NOS1: variants seen among roughly 807,000 people sequenced by gnomAD.
NOS1 encodes the protein nitric oxide synthase 1.
NOS1 carries 51 observed loss-of-function variants against 164.5 expected under a neutral mutation model. The observed-to-expected ratio is 0.31, with a 90% CI of 0.25 to 0.39. The LOEUF is 0.39. Among genes scored for constraint, NOS1 ranks in the 10% least tolerant of loss-of-function variants. The pLI, the probability that NOS1 is intolerant of heterozygous loss-of-function variation, is 1.00. For missense variants in NOS1, 1,362 were observed against 1,885.6 expected (o/e 0.72, Z 5.14); for synonymous variants, 719 against 745.8 (o/e 0.96, Z 0.59).
Position 117,234,534 on chromosome 12 carries a change from T to G in NOS1, c.3235+31A>C. On this transcript the variant is annotated intron_variant, in intron 21 of 28. Coordinates refer to ENST00000317775, the MANE Select transcript of NOS1 (RefSeq NM_000620.5). This position sits in a 1 kb window ranked among gnomAD's most constrained non-coding sequence, Gnocchi z 4.3. ...GACACCCACTGCCTCTGCAGCTCCC[T>G]AGAGCAGGGAAGGGTCCCCGGGAAT... 6.3e-7 allele frequency: 1 copy of G among 1,596,718 alleles called. No individual in the cohort carries two copies. Among genetic ancestry groups the G allele is most frequent in the South Asian group, 1.1e-5 (1 of 89,352 alleles).
At chr12:117,280,249 A>G (rs894603957) in intron 8 of NOS1, among the ~76,000 whole-genome samples, 3 of 152,150 alleles carry the variant, frequency 2.0e-5, no homozygotes, top group Non-Finnish European at 4.4e-5. Context: ...AGTCAAGCCT[A>G]CTCAAAGGCT....
In NOS1 at chr12:117,331,264, G is replaced by A; in HGVS notation, c.-195C>T. 3.2e-6 allele frequency: 2 copies of A among 624,760 alleles called. No individual in the cohort carries two copies. The highest frequency in any genetic ancestry group is 5.4e-6 in the Non-Finnish European group (2 of 367,490). The allele number at this position is 624,760 out of a possible 1,614,324, so 38.7% of individuals were successfully genotyped here. A position where few individuals can be genotyped will look rare whatever the true frequency, so the allele number is the denominator to read the frequency against. On this transcript the variant is annotated 5_prime_UTR_variant, in exon 2 of 29. Transcript: ENST00000317775. Reference sequence around the variant, plus strand: ...CACTCATGGCTGGTGGCCCGTCGGTGGCATGATTTCCTGCATCCGCCTCTC... The same window carrying A: ...CACTCATGGCTGGTGGCCCGTCGGTAGCATGATTTCCTGCATCCGCCTCTC...
intron 1 of NOS1, among the ~76,000 whole-genome samples, chr12:117,336,805 CT>C (rs1566082046): frequency 6.6e-6 from 1 of 151,988 alleles, no homozygotes; most frequent in Non-Finnish European, 1.5e-5. Flanking sequence ...ACTCTTCTTT[CT>C]TTTTTTGTGA....
chr12:117,223,818 C>T (rs530503730), intron 25 of NOS1, among the ~76,000 whole-genome samples: 12 of 152,086 alleles, frequency 7.9e-5, no homozygotes, highest in African/African-American at 2.9e-4. Context: ...CCATGCCTGG[C>T]TAATTTTGTA....
intron 20 of NOS1, among the ~76,000 whole-genome samples, chr12:117,239,413 T>C (rs1403751122): frequency 1.3e-5 from 2 of 152,234 alleles, no homozygotes; most frequent in Non-Finnish European, 2.9e-5. Context: ...CCCCACACAT[T>C]AGCGATCCAT....
At chr12:117,215,389 G>A in intron 28 of NOS1, 65 bp from the exon 29 acceptor site, 1 of 1,441,956 alleles carries the variant, frequency 6.9e-7, no homozygotes, top group South Asian at 1.6e-5. Flanking sequence ...TCCTCTGAGT[G>A]CCCCAGAGAA....
chr12:117,238,131 C>T (rs1005861310), intron 20 of NOS1, among the ~76,000 whole-genome samples: 1 of 152,138 alleles, frequency 6.6e-6, no homozygotes, highest in Admixed American at 6.5e-5. Flanking sequence ...ACAAGAGCCT[C>T]ATGATGACCT....
chr12:117,326,258 T>C (rs970776540), intron 2 of NOS1, among the ~76,000 whole-genome samples: 4 of 151,942 alleles, frequency 2.6e-5, no homozygotes, highest in African/African-American at 9.7e-5. Flanking sequence ...TGGTGGCACA[T>C]GCCTATAATC....
chr12:117,258,553 A>G, intron 15 of NOS1, 98 bp from the exon 16 acceptor site: 1 of 1,245,360 alleles, frequency 8.0e-7, no homozygotes, highest in Admixed American at 1.9e-5. Context: ...CAAAGAGGAG[A>G]CTGATGCCCG....
intron 12 of NOS1, 146 bp downstream of exon 12, chr12:117,265,170 G>T: frequency 1.7e-6 from 1 of 572,132 alleles, no homozygotes. Flanking sequence ...TGTTCTTTCA[G>T]CTAGACCTGT....
chr12:117,218,493 C>T (rs1053117439), intron 27 of NOS1, among the ~76,000 whole-genome samples: 2 of 152,096 alleles, frequency 1.3e-5, no homozygotes, highest in Non-Finnish European at 1.5e-5. Context: ...ACCATTCCCT[C>T]TTTCCTCCCT....
At position 117,208,472 on chromosome 12, in the gene NOS1, C is replaced by T. The variant is rs774790706; in HGVS notation, c.*6837G>A. 41 of 1,271,006 alleles carry T rather than the reference C, an allele frequency of 3.2e-5. No homozygotes were observed. Among genetic ancestry groups the T allele is most frequent in the South Asian group, 7.6e-5 (6 of 79,144 alleles). The allele number at this position is 1,271,006 out of a possible 1,614,324, so 78.7% of individuals were successfully genotyped here. On this transcript the variant is annotated 3_prime_UTR_variant, in exon 29 of 29. Coordinates refer to ENST00000317775, the MANE Select transcript of NOS1 (RefSeq NM_000620.5). ...CCTCCCCAGCTTCCCAAGCCCGGAA[C>T]GGACACTGCGACGTGGGGTGCCCGG...
At chr12:117,321,727 A>G (rs1372181829) in intron 2 of NOS1, among the ~76,000 whole-genome samples, 2 of 152,186 alleles carry the variant, frequency 1.3e-5, no homozygotes, top group African/African-American at 4.8e-5. Flanking sequence ...TCTGAGATAC[A>G]TCAAGTGTGG....
chr12:117,287,449 T>G (rs1448412580), intron 5 of NOS1, among the ~76,000 whole-genome samples: 1 of 152,056 alleles, frequency 6.6e-6, no homozygotes, highest in Non-Finnish European at 1.5e-5. Context: ...TTCTTTTGTT[T>G]TTTTTTGAGA....
chr12:117,338,467 T>C (rs1875944171), intron 1 of NOS1, among the ~76,000 whole-genome samples: 1 of 100,804 alleles, frequency 9.9e-6, no homozygotes, highest in Non-Finnish European at 1.9e-5. Flanking sequence ...CTGGGGACTG[T>C]TGTGGGGTGG....
chr12:117,291,031 G>A (rs987936428), intron 3 of NOS1, among the ~76,000 whole-genome samples: 2 of 152,074 alleles, frequency 1.3e-5, no homozygotes, highest in African/African-American at 4.8e-5. Context: ...TGGCCAACTT[G>A]GTGAAACCTT....
At chr12:117,266,352 T>TA (rs767392223) in intron 11 of NOS1, among the ~76,000 whole-genome samples, 12 of 152,324 alleles carry the variant, frequency 7.9e-5, no homozygotes, top group Middle Eastern at 3.4e-3. Context: ...AGTGAGAACA[T>TA]ACGATGTTTG....
At chr12:117,252,295 T>C (rs1207957631) in intron 17 of NOS1, among the ~76,000 whole-genome samples, 1 of 152,232 alleles carries the variant, frequency 6.6e-6, no homozygotes, top group African/African-American at 2.4e-5. Flanking sequence ...TAATGTTTTC[T>C]ACCATCAAAC....
intron 16 of NOS1, among the ~76,000 whole-genome samples, chr12:117,256,719 C>T (rs1338074478): frequency 6.6e-6 from 1 of 152,146 alleles, no homozygotes; most frequent in East Asian, 1.9e-4. Flanking sequence ...GCTCAGCGTG[C>T]ACACACCATG....
Sources: gnomAD v4.1 joint callset for allele counts (sites outside exome capture counted in the v4.1 genomes callset) on GRCh38, gnomAD v4.1.1 for gene constraint, Gnocchi (gnomAD v3.1) non-coding constraint, MANE v1.5 for transcripts, NCBI Gene and HGNC (gene_info 2026-07-23, HGNC 2026-07-21) for gene names.